Variants in PPFIA3 observed in about 807,000 individuals in gnomAD.
PPFIA3 encodes the protein liprin-alpha-3.
A neutral mutation model predicts 145.8 loss-of-function variants in PPFIA3; 26 were observed. The observed-to-expected ratio is 0.18, with a 90% CI of 0.13 to 0.25. The LOEUF (loss-of-function observed/expected upper bound fraction) is 0.25. PPFIA3 is among the 10% of genes least tolerant of loss of function. The pLI is 1.00. For missense variants in PPFIA3, 1,008 were observed against 1,587.8 expected, an observed-to-expected ratio of 0.63 and a Z score of 6.21; for synonymous variants, 645 against 661.4, an observed-to-expected ratio of 0.98 and a Z score of 0.38.
At chr19:49,127,739 T>G in intron 1 of PPFIA3, 120 bp from the exon 2 acceptor site, 1 of 1,186,842 alleles carries the variant, frequency 8.4e-7, no homozygotes, top group Non-Finnish European at 1.1e-6. Flanking sequence ...CAGTTTCTTC[T>G]GTGCAGTGCT....
intron 16 of PPFIA3, 66 bp downstream of exon 16, chr19:49,138,493 A>G: frequency 7.4e-7 from 1 of 1,344,974 alleles, no homozygotes; most frequent in Non-Finnish European, 9.9e-7. Flanking sequence ...AGGGCTCCCC[A>G]GTGTACAGCA....
chr19:49,145,514 TA>T (rs1475894631), intron 21 of PPFIA3, among the ~76,000 whole-genome samples: 1 of 152,170 alleles, frequency 6.6e-6, no homozygotes, highest in Non-Finnish European at 1.5e-5. Flanking sequence ...CAGAAGTACA[TA>T]AATGTTTTTA....
intron 23 of PPFIA3, 131 bp downstream of exon 23, chr19:49,146,323 C>T: frequency 8.3e-7 from 1 of 1,210,340 alleles, no homozygotes; most frequent in Non-Finnish European, 1.2e-6. Context: ...CTGCGCCAAG[C>T]TTGGCTCTGG....
At chr19:49,142,770 C>T in intron 20 of PPFIA3, 34 bp from the exon 21 acceptor site, 1 of 1,596,854 alleles carries the variant, frequency 6.3e-7, no homozygotes, top group Non-Finnish European at 8.6e-7. Flanking sequence ...CTCTGTCCCT[C>T]TGTCCCCTCT....
rs2041307139 is a variant in PPFIA3, at chr19:49,148,673, C to T, written c.3019C>T (p.Leu1007=). ...KMVDSFHRVS[L]HYGIMCLKRL... is the part of the protein sequence containing the mutation. ...ACTTCCCCTGCTGCTCAGGGTGAGT[C>T]TACATTATGGGATTATGTGCCTGAA... Residue 1007 remains leucine, a synonymous_variant, in exon 25 of 30, where the codon CTA becomes TTA. Coordinates refer to ENST00000334186, the MANE Select transcript of PPFIA3 (RefSeq NM_003660.4). 4.3e-6 allele frequency: 7 copies of T among 1,613,140 alleles called. No homozygotes were observed. Among genetic ancestry groups the T allele is most frequent in the African/African-American group, 2.7e-5 (2 of 75,032 alleles).
Position 49,149,834 on chromosome 19 carries a change from T to A in PPFIA3, c.3526+116T>A. On this transcript the variant is annotated intron_variant, in intron 28 of 29. Coordinates refer to ENST00000334186, the MANE Select transcript of PPFIA3 (RefSeq NM_003660.4). The surrounding 1 kb of genome is among the most constrained non-coding windows in gnomAD (Gnocchi z 5.7). ...TCCTTTCTCGCCCACCCCTGAGGAA[T>A]GGACTGCTCCAACGTTCCGGACTCC... The A allele has an allele frequency of 7.6e-7, 1 of 1,318,784 alleles. No individual in the cohort carries two copies. The highest frequency in any genetic ancestry group is 1.0e-6 in the Non-Finnish European group (1 of 978,608). 81.7% of individuals were successfully genotyped at this position (1,318,784 alleles called of 1,614,324 possible).
rs892979491 is a variant in PPFIA3 at position 49,120,024 on chromosome 19, G to C, written c.-16+302G>C. Among the ~76,000 whole-genome samples, 1 of 151,912 alleles carries C rather than the reference G, an allele frequency of 6.6e-6. No homozygotes were observed. The highest frequency in any genetic ancestry group is 1.5e-5 in the Non-Finnish European group (1 of 67,910). ...AGATCCCCCTTCCTGACCCTGTCCT[G>C]GGAGCTCCAGACACCCGCCGCGGCG... On this transcript the variant is annotated intron_variant, in intron 1 of 29. Transcript: ENST00000334186. The surrounding 1 kb of genome is among the most constrained non-coding windows in gnomAD (Gnocchi z 4.6).
Position 49,119,932 on chromosome 19 carries a change from TCG to T in PPFIA3, c.-16+214_-16+215del, listed in dbSNP as rs2040913724. On this transcript the variant is annotated intron_variant, in intron 1 of 29. Transcript: ENST00000334186. ...CTAGAATCCCGGGCGCACCGCCGCC[TCG>T]CGCCTCCTCCAGGGCCCAGGAGCTT... 4.0e-5 allele frequency among the ~76,000 whole-genome samples: 6 copies of T among 151,206 alleles called. No homozygotes were observed. The South Asian group carries it at 1.3e-3, about 32-fold the overall frequency.
At chr19:49,138,463 G>T in intron 16 of PPFIA3, 36 bp downstream of exon 16, 11 of 1,462,978 alleles carry the variant, frequency 7.5e-6, no homozygotes, top group Non-Finnish European at 9.9e-6. Flanking sequence ...CTAGTAGGGG[G>T]ATGGGGAGAG....
intron 16 of PPFIA3, among the ~76,000 whole-genome samples, chr19:49,139,260 G>C (rs988209680): frequency 2.0e-5 from 3 of 151,756 alleles, no homozygotes; most frequent in African/African-American, 7.3e-5. Flanking sequence ...GGGAGGCAGA[G>C]GTTGCAGTGA....
intron 21 of PPFIA3, among the ~76,000 whole-genome samples, chr19:49,144,640 G>A (rs1013360454): frequency 2.0e-5 from 3 of 152,038 alleles, no homozygotes; most frequent in Admixed American, 6.5e-5. Flanking sequence ...TTTGAGCCCA[G>A]GAGGTCGAGG....
At chr19:49,138,162 C>A in intron 15 of PPFIA3, 43 bp from the exon 16 acceptor site, 1 of 1,513,964 alleles carries the variant, frequency 6.6e-7, no homozygotes, top group South Asian at 1.3e-5. Flanking sequence ...CTCCCGCTGT[C>A]TGCTGCGGCC....
chr19:49,129,875 C>T, intron 5 of PPFIA3, 118 bp from the exon 6 acceptor site: 1 of 1,057,228 alleles, frequency 9.5e-7, no homozygotes, highest in Non-Finnish European at 1.4e-6. Flanking sequence ...ATGGCCCCAG[C>T]ACGACCGGAG....
intron 21 of PPFIA3, among the ~76,000 whole-genome samples, chr19:49,143,746 A>G (rs139511206): frequency 3.3e-5 from 5 of 152,300 alleles, no homozygotes; most frequent in African/African-American, 7.2e-5. Flanking sequence ...GCGATTCTCA[A>G]ACTTTTGCTG....
Position 49,145,894 on chromosome 19 carries a change from C to G in PPFIA3, c.2746-49C>G, listed in dbSNP as rs377020153. ...CAGGAGGACACCCTCCTTCCTCTCC[C>G]CCACGCGAAGCCCTCTCCCACCATC... On this transcript the variant is annotated intron_variant, in intron 21 of 29. Coordinates refer to ENST00000334186, the MANE Select transcript of PPFIA3 (RefSeq NM_003660.4). The G allele has an allele frequency of 3.0e-5, 46 of 1,558,010 alleles. No individual in the cohort carries two copies. The Middle Eastern group carries it at 1.3e-3, about 45-fold the overall frequency.
chr19:49,145,733 C>G (rs2041272319), intron 21 of PPFIA3: 1 of 592,178 alleles, frequency 1.7e-6, no homozygotes, highest in Non-Finnish European at 3.0e-6. Flanking sequence ...GGTCCCAATT[C>G]CAACCTGAAT....
At chr19:49,137,198 C>A (rs1237178876) in intron 15 of PPFIA3, 6 of 324,276 alleles carry the variant, frequency 1.9e-5, no homozygotes, top group African/African-American at 1.3e-4. Flanking sequence ...CAAGAATCTT[C>A]CATTACGCCA....
chr19:49,145,351 T>C (rs2041268277), intron 21 of PPFIA3, among the ~76,000 whole-genome samples: 1 of 152,316 alleles, frequency 6.6e-6, no homozygotes, highest in Middle Eastern at 3.4e-3. Context: ...CTGGCCACAG[T>C]TGTTAATTTC....
At chr19:49,125,933 GT>G (rs67726449) in intron 1 of PPFIA3, among the ~76,000 whole-genome samples, 4 of 149,310 alleles carry the variant, frequency 2.7e-5, no homozygotes, top group South Asian at 2.1e-4. Context: ...TATTTTTTTT[GT>G]TTTTTTTTGT....
Sources: allele counts gnomAD v4.1 joint callset (sites outside exome capture counted in the v4.1 genomes callset), GRCh38; gene constraint gnomAD v4.1.1; non-coding constraint Gnocchi (gnomAD v3.1); transcripts MANE v1.5; gene names NCBI Gene and HGNC (gene_info 2026-07-23, HGNC 2026-07-21).